Variants in CRYL1 observed in about 807,000 individuals in gnomAD.
CRYL1 encodes the protein crystallin lambda 1, also known as lambda-crystallin homolog.
Under a neutral mutation model 36.6 loss-of-function variants are expected in CRYL1, and 29 were observed. The observed-to-expected ratio is 0.79, with a 90% CI of 0.59 to 1.08. The LOEUF is 1.08. Ranked by LOEUF, CRYL1 falls within the 50% of genes least tolerant of loss-of-function variation. The pLI, the probability that CRYL1 is intolerant of heterozygous loss-of-function variation, is 0.00. For missense variants in CRYL1, 411 were observed against 407.9 expected (o/e 1.01, Z -0.06); for synonymous variants, 152 against 151.5 (o/e 1.00, Z -0.02).
chr13:20,497,592 C>T (rs62648194), intron 2 of CRYL1, among the ~76,000 whole-genome samples: 56,291 of 149,602 alleles, frequency 0.38, 10,956 homozygotes, highest in East Asian at 0.49. Context: ...ATATATGCAC[C>T]ACACACACCA....
At chr13:20,455,214 T>A (rs2032656815) in intron 3 of CRYL1, among the ~76,000 whole-genome samples, 1 of 152,162 alleles carries the variant, frequency 6.6e-6, no homozygotes, top group Non-Finnish European at 1.5e-5. Flanking sequence ...TACTTAGGCA[T>A]AAATCTAAAA....
At chr13:20,470,346 G>A (rs923416619) in intron 3 of CRYL1, among the ~76,000 whole-genome samples, 5 of 152,196 alleles carry the variant, frequency 3.3e-5, no homozygotes, top group Non-Finnish European at 7.3e-5. Flanking sequence ...CCGCTGCAGG[G>A]AAGGAGACCA....
intron 3 of CRYL1, among the ~76,000 whole-genome samples, chr13:20,454,069 T>A (rs2032626542): frequency 6.6e-6 from 1 of 152,140 alleles, no homozygotes; most frequent in Non-Finnish European, 1.5e-5. Flanking sequence ...AGCCAAACAT[T>A]TAAAGAACTA....
intron 4 of CRYL1, among the ~76,000 whole-genome samples, chr13:20,437,471 C>T (rs2032254013): frequency 6.6e-6 from 1 of 152,094 alleles, no homozygotes. Context: ...CCTCACCTGG[C>T]TAATTTTTTG....
rs984508794 is a variant in CRYL1 at position 20,435,695 on chromosome 13, G to C, written c.439-3399C>G. ...TCGACAGATACAACGGCAGCGCAGC[G>C]CAGGGGCCTGGGCCTGCGCAGGCCG... On this transcript the variant is annotated intron_variant, in intron 4 of 7. Coordinates refer to ENST00000298248, the MANE Select transcript of CRYL1 (RefSeq NM_015974.3). The surrounding 1 kb of genome is among the most constrained non-coding windows in gnomAD (Gnocchi z 4.0). Among the ~76,000 whole-genome samples, 1 of 152,218 alleles carries C rather than the reference G, an allele frequency of 6.6e-6. No homozygotes were observed. The highest frequency in any genetic ancestry group is 1.5e-5 in the Non-Finnish European group (1 of 68,032).
At chr13:20,409,488 T>C (rs2031464840) in intron 6 of CRYL1, among the ~76,000 whole-genome samples, 1 of 150,770 alleles carries the variant, frequency 6.6e-6, no homozygotes, top group Admixed American at 6.6e-5. Context: ...ACTTCATGTC[T>C]AAAACACCAA....
intron 3 of CRYL1, among the ~76,000 whole-genome samples, chr13:20,448,966 G>A (rs191032807): frequency 3.9e-4 from 59 of 152,282 alleles, no homozygotes; most frequent in Admixed American, 1.2e-3. Context: ...TCAGGGGTTC[G>A]AGACCAGCCT....
intron 4 of CRYL1, among the ~76,000 whole-genome samples, chr13:20,438,423 A>G (rs12428126): frequency 0.24 from 36,566 of 152,018 alleles, 4,679 homozygotes; most frequent in East Asian, 0.4. Context: ...CCCAAGCAGC[A>G]CTTCCACAAC....
At chr13:20,428,550 G>T (rs2031984335) in intron 5 of CRYL1, among the ~76,000 whole-genome samples, 1 of 152,188 alleles carries the variant, frequency 6.6e-6, no homozygotes, top group Non-Finnish European at 1.5e-5. Context: ...TTCCGAGTAT[G>T]TGAGGCTGGT....
chr13:20,512,606 A>T, intron 1 of CRYL1, 56 bp from the exon 2 acceptor site: 1 of 1,309,054 alleles, frequency 7.6e-7, no homozygotes, highest in Non-Finnish European at 1.1e-6. Flanking sequence ...ATGGCTTTTC[A>T]TTCCTAACCC....
At chr13:20,440,821 G>A (rs757300120) in intron 3 of CRYL1, among the ~76,000 whole-genome samples, 1 of 152,144 alleles carries the variant, frequency 6.6e-6, no homozygotes, top group Non-Finnish European at 1.5e-5. Flanking sequence ...TAGGGGAGTG[G>A]GATAAAGATG....
intron 5 of CRYL1, chr13:20,427,263 T>C: frequency 2.0e-6 from 2 of 985,402 alleles, no homozygotes; most frequent in Non-Finnish European, 2.4e-6. Flanking sequence ...CCATCTGGCA[T>C]TTCCAAGACC....
At chr13:20,464,502 G>A (rs747642061) in intron 3 of CRYL1, among the ~76,000 whole-genome samples, 3 of 152,172 alleles carry the variant, frequency 2.0e-5, no homozygotes, top group Admixed American at 6.5e-5. Flanking sequence ...GACAGAAGGA[G>A]ACCCATCAAA....
chr13:20,447,753 C>T (rs770015548), intron 3 of CRYL1, among the ~76,000 whole-genome samples: 7 of 152,282 alleles, frequency 4.6e-5, no homozygotes, highest in Non-Finnish European at 1.0e-4. Flanking sequence ...ACCTTTAATG[C>T]ACTAAGGATA....
At chr13:20,445,143 T>C (rs920207694) in intron 3 of CRYL1, among the ~76,000 whole-genome samples, 3 of 152,178 alleles carry the variant, frequency 2.0e-5, no homozygotes, top group Admixed American at 6.5e-5. Context: ...CATCAGTAAC[T>C]CACAGTAGCA....
intron 5 of CRYL1, chr13:20,418,499 C>T (rs2031726080): frequency 6.6e-6 from 1 of 152,228 alleles, no homozygotes; most frequent in Admixed American, 6.5e-5. Flanking sequence ...CCGTGACTAT[C>T]TCCTCTACTG....
At chr13:20,501,455 T>C (rs146207080) in intron 2 of CRYL1, among the ~76,000 whole-genome samples, 1 of 152,220 alleles carries the variant, frequency 6.6e-6, no homozygotes, top group African/African-American at 2.4e-5. Context: ...TGCAGCTTCC[T>C]GAGGAATAAA....
At chr13:20,520,937 C>G (rs2034083133) in intron 1 of CRYL1, among the ~76,000 whole-genome samples, 1 of 151,900 alleles carries the variant, frequency 6.6e-6, no homozygotes, top group Non-Finnish European at 1.5e-5. Context: ...AACCCCATCT[C>G]TACTAAAATA....
chr13:20,417,161 G>A (rs1293048400), intron 5 of CRYL1, among the ~76,000 whole-genome samples: 2 of 152,160 alleles, frequency 1.3e-5, no homozygotes, highest in Non-Finnish European at 2.9e-5. Flanking sequence ...GTTTCTCCCT[G>A]CTGCACTTGG....
Sources: gnomAD v4.1 joint callset for allele counts (sites outside exome capture counted in the v4.1 genomes callset) on GRCh38, gnomAD v4.1.1 for gene constraint, Gnocchi (gnomAD v3.1) non-coding constraint, MANE v1.5 for transcripts, NCBI Gene and HGNC (gene_info 2026-07-23, HGNC 2026-07-21) for gene names.